Variants in ZNF638 observed in about 807,000 individuals in gnomAD.
ZNF638 encodes the protein CTCL tumor antigen se33-1.
In ZNF638, 46 loss-of-function variants were observed where a neutral mutation model predicts 195.6. The observed-to-expected ratio is 0.24, with a 90% CI of 0.19 to 0.30. ZNF638 has a LOEUF of 0.30. Ranked by LOEUF, ZNF638 falls within the 10% of genes least tolerant of loss-of-function variation. The pLI, the probability that ZNF638 is intolerant of heterozygous loss-of-function variation, is 1.00. For missense variants in ZNF638, 2,440 were observed against 2,325.3 expected, an observed-to-expected ratio of 1.05 and a Z score of -1.01; for synonymous variants, 845 against 772.0, an observed-to-expected ratio of 1.09 and a Z score of -1.57.
intron 24 of ZNF638, among the ~76,000 whole-genome samples, chr2:71,427,764 C>T (rs2152606754): frequency 6.6e-6 from 1 of 152,338 alleles, no homozygotes; most frequent in East Asian, 1.9e-4. Flanking sequence ...GATTACCTCC[C>T]AGTTTTTGCT....
At chr2:71,385,466 C>T (rs1158633917) in intron 10 of ZNF638, among the ~76,000 whole-genome samples, 1 of 145,504 alleles carries the variant, frequency 6.9e-6, no homozygotes, top group African/African-American at 2.4e-5. Context: ...AATGAAATTA[C>T]AGAGAGAGAA....
intron 10 of ZNF638, among the ~76,000 whole-genome samples, chr2:71,391,357 G>A (rs1330783519): frequency 6.6e-6 from 1 of 152,206 alleles, no homozygotes; most frequent in Non-Finnish European, 1.5e-5. Flanking sequence ...TATCAGTAAT[G>A]AAAGGGCAGC....
chr2:71,380,742 A>G (rs2079521669), intron 10 of ZNF638, 177 bp downstream of exon 10: 2 of 465,676 alleles, frequency 4.3e-6, no homozygotes, highest in African/African-American at 4.0e-5. Flanking sequence ...GTAATTACAG[A>G]ATCACTTCTG....
At chr2:71,420,356 TG>T (rs2080405805) in intron 21 of ZNF638, among the ~76,000 whole-genome samples, 1 of 152,198 alleles carries the variant, frequency 6.6e-6, no homozygotes, top group African/African-American at 2.4e-5. Flanking sequence ...CTCATTCTGT[TG>T]ATATGTAAAC....
At chr2:71,353,056 C>T (rs2078968374) in intron 2 of ZNF638, among the ~76,000 whole-genome samples, 1 of 147,828 alleles carries the variant, frequency 6.8e-6, no homozygotes, top group Non-Finnish European at 1.5e-5. Flanking sequence ...CCTCTCGTTT[C>T]TGTGATATAT....
intron 10 of ZNF638, among the ~76,000 whole-genome samples, chr2:71,385,267 A>G (rs1017712305): frequency 4.6e-5 from 7 of 152,196 alleles, no homozygotes; most frequent in African/African-American, 1.7e-4. Flanking sequence ...ACCATATGAC[A>G]TCACTTACAC....
chr2:71,417,804 C>G (rs896239196), intron 20 of ZNF638, among the ~76,000 whole-genome samples: 7 of 152,078 alleles, frequency 4.6e-5, no homozygotes, highest in African/African-American at 1.7e-4. Flanking sequence ...ACCAGATATC[C>G]CAGTAAAGGA....
chr2:71,339,040 G>A (rs1055817663), intron 1 of ZNF638, among the ~76,000 whole-genome samples: 9 of 151,198 alleles, frequency 6.0e-5, no homozygotes, highest in African/African-American at 2.2e-4. Context: ...GTATATGTAT[G>A]TTTTCCTGTT....
chr2:71,350,062 A>G lies in ZNF638; in HGVS notation c.1108A>G (p.Lys370Glu), dbSNP rs755207533. ...CGTACATGTTGGATCAAGAGGAAGT[A>G]AAAAGAATTACCAGTCACAGGCTGA... ...SNVHVGSRGS[K>E]KNYQSQADIP... The change falls in exon 2 of 28, where the codon AAA becomes GAA. Residue 370 changes from lysine to glutamate, a missense_variant. This residue lies in a region of ZNF638 where 305 missense variants were observed against 283.6 expected (regional missense o/e 1.08). Transcript: ENST00000264447. The G allele has an allele frequency of 8.7e-6, 14 of 1,614,220 alleles. No homozygotes were observed. The South Asian group carries it at 1.5e-4, about 18-fold the overall frequency.
chr2:71,355,619 T>G lies in ZNF638; in HGVS notation c.1318-100T>G, dbSNP rs553999316. ...AATGCTATTTATGAGTACGTTTGTTTAATTTTTGAACAAAATATTATTTGT... is the reference window on the plus strand; with the variant it reads ...AATGCTATTTATGAGTACGTTTGTTGAATTTTTGAACAAAATATTATTTGT... On this transcript the variant is annotated intron_variant, in intron 2 of 27. Coordinates refer to ENST00000264447, the MANE Select transcript of ZNF638 (RefSeq NM_014497.5). 28 of 905,120 alleles carry G rather than the reference T, an allele frequency of 3.1e-5. No individual in the cohort carries two copies. In the African/African-American group the frequency reaches 4.7e-4, roughly 15 times the overall value. 56.1% of individuals were successfully genotyped at this position (905,120 alleles called of 1,614,324 possible).
At chr2:71,361,717 C>G (rs1292544693) in intron 3 of ZNF638, 1 of 152,204 alleles carries the variant, frequency 6.6e-6, no homozygotes, top group Non-Finnish European at 1.5e-5. Flanking sequence ...GAGGCAGACG[C>G]TTTCTCAGAT....
At chr2:71,334,884 G>T (rs2078638171) in intron 1 of ZNF638, among the ~76,000 whole-genome samples, 3 of 151,604 alleles carry the variant, frequency 2.0e-5, no homozygotes, top group African/African-American at 7.3e-5. Flanking sequence ...TTGCGCCACT[G>T]CACTCCAGCC....
rs533728091 is a variant in ZNF638 at position 71,388,346 on chromosome 2, A to G, written c.2377+7781A>G. ...TGATCATCCGACCTTTGATCATCTG[A>G]CCTTTGATCATCTGACCTTTGATCA... On this transcript the variant is annotated intron_variant, in intron 10 of 27. Coordinates refer to ENST00000264447, the MANE Select transcript of ZNF638 (RefSeq NM_014497.5). The G allele has an allele frequency of 3.8e-4, 203 of 540,186 alleles. 4 individuals carry two copies. The highest frequency in any genetic ancestry group is 3.5e-3 in the South Asian group (201 of 57,270). 33.5% of individuals were successfully genotyped at this position (540,186 alleles called of 1,614,324 possible).
At position 71,405,455 on chromosome 2, in the gene ZNF638, G is replaced by C. The variant is rs1378444977; in HGVS notation, c.2959-146G>C. 9.0e-6 allele frequency: 5 copies of C among 558,042 alleles called. No homozygotes were observed. In the African/African-American group the frequency reaches 1.0e-4, roughly 11 times the overall value. 34.6% of individuals were successfully genotyped at this position (558,042 alleles called of 1,614,324 possible). ...TTTAGGAGAGAAAGATTTTTGGAAAGAATGTAAATCTTGCTGCTTCTTAAT... is the reference window on the plus strand; with the variant it reads ...TTTAGGAGAGAAAGATTTTTGGAAACAATGTAAATCTTGCTGCTTCTTAAT... On this transcript the variant is annotated intron_variant, in intron 17 of 27. Coordinates refer to ENST00000264447, the MANE Select transcript of ZNF638 (RefSeq NM_014497.5).
chr2:71,344,666 T>A (rs896019416), intron 1 of ZNF638, among the ~76,000 whole-genome samples: 14 of 152,258 alleles, frequency 9.2e-5, no homozygotes, highest in African/African-American at 3.4e-4. Context: ...TGATACTTAA[T>A]CTTGTAATTT....
rs1400702932 is a variant in ZNF638 at position 71,428,639 on chromosome 2, C to T, written c.5638C>T (p.Gln1880Ter). ...ACCAGCAAAAGGTGAAGAGGCCTTC[C>T]AGATGAGTGAAGGTAAAGCAGGATT... ...TEPAKGEEAF[Q>*]MSEVDEESGL... Residue 1880 changes from glutamine to a stop codon, truncating the protein, a stop_gained, in exon 25 of 28, where the codon CAG becomes TAG. Coordinates refer to ENST00000264447, the MANE Select transcript of ZNF638 (RefSeq NM_014497.5). LOFTEE classifies it high-confidence loss of function. The T allele has an allele frequency of 6.2e-7, 1 of 1,613,470 alleles. No homozygotes were observed. The highest frequency in any genetic ancestry group is 8.5e-7 in the Non-Finnish European group (1 of 1,179,644).
intron 10 of ZNF638, among the ~76,000 whole-genome samples, chr2:71,387,728 A>G (rs913666730): frequency 6.6e-6 from 1 of 152,182 alleles, no homozygotes; most frequent in African/African-American, 2.4e-5. Context: ...TATGATACAT[A>G]AGATGATAAC....
chr2:71,332,595 A>T (rs2078592028), intron 1 of ZNF638, among the ~76,000 whole-genome samples: 1 of 152,222 alleles, frequency 6.6e-6, no homozygotes, highest in Admixed American at 6.5e-5. Flanking sequence ...GAATTGTGAA[A>T]ACAGAACGTT....
chr2:71,423,923 G>C lies in ZNF638; in HGVS notation c.4409G>C (p.Arg1470Thr), dbSNP rs543819242. 5 of 1,614,018 alleles carry C rather than the reference G, an allele frequency of 3.1e-6. No homozygotes were observed. Among genetic ancestry groups the C allele is most frequent in the African/African-American group, 2.7e-5 (2 of 75,040 alleles). ...AGTCTTACCAGAGGAGGCAGTGGAAGGATCTCAGCCCTGCAAGGCAAGCTT... is the reference window on the plus strand; with the variant it reads ...AGTCTTACCAGAGGAGGCAGTGGAACGATCTCAGCCCTGCAAGGCAAGCTT... ...QSSLTRGGSG[R>T]ISALQGKLSK... is the part of the protein sequence containing the mutation. The change falls in exon 22 of 28, where the codon AGG (arginine) becomes ACG (threonine). Residue 1470 changes from arginine to threonine, a missense_variant. Arg to Thr is a moderately conservative substitution (Grantham distance 71, BLOSUM62 -1). Coordinates refer to ENST00000264447, the MANE Select transcript of ZNF638 (RefSeq NM_014497.5).
Sources: gnomAD v4.1 joint callset for allele counts (sites outside exome capture counted in the v4.1 genomes callset) on GRCh38, gnomAD v4.1.1 for gene constraint, gnomAD v4.1.1 regional missense constraint, MANE v1.5 for transcripts, NCBI Gene and HGNC (gene_info 2026-07-23, HGNC 2026-07-21) for gene names.